SYT3: variants seen among roughly 807,000 people sequenced by gnomAD.
The protein encoded by SYT3 is synaptotagmin 3.
Under a neutral mutation model 50.6 loss-of-function variants are expected in SYT3, and 25 were observed. That is an observed-to-expected ratio of 0.49 (90% confidence interval 0.36 to 0.69). The LOEUF is 0.69. Ranked by LOEUF, SYT3 falls within the 30% of genes least tolerant of loss-of-function variation. SYT3 has a pLI of 0.00. For missense variants in SYT3, 589 were observed against 793.6 expected (o/e 0.74, Z 3.10); for synonymous variants, 323 against 353.9 (o/e 0.91, Z 0.98).
intron 6 of SYT3, 144 bp from the exon 7 acceptor site, chr19:50,626,161 G>A (rs1405535734): frequency 7.5e-7 from 1 of 1,327,150 alleles, no homozygotes; most frequent in Non-Finnish European, 1.0e-6. Context: ...TGACTCTTGG[G>A]ACAAGGCCCA....
At chr19:50,642,935 T>C (rs1468715698), upstream of SYT3, among the ~76,000 whole-genome samples, 1 of 152,236 alleles carries the variant, frequency 6.6e-6, no homozygotes, top group Non-Finnish European at 1.5e-5. Flanking sequence ...GGCTAGTGTT[T>C]AGTGTTGTCA....
chr19:50,633,568 G>A (rs1488312315), intron 3 of SYT3, among the ~76,000 whole-genome samples: 1 of 152,154 alleles, frequency 6.6e-6, no homozygotes, highest in Non-Finnish European at 1.5e-5. Flanking sequence ...CTTGCTGTGT[G>A]GCCTTGGGAA....
chr19:50,643,199 C>T (rs546528842), upstream of SYT3, among the ~76,000 whole-genome samples: 3 of 152,046 alleles, frequency 2.0e-5, no homozygotes, highest in Admixed American at 2.0e-4. Flanking sequence ...AGTGAGACCT[C>T]ATTTCTACAA....
In SYT3 at chr19:50,629,286, C is replaced by T. The variant is rs375531043; in HGVS notation, c.1281+8G>A. 9.9e-5 allele frequency: 157 copies of T among 1,586,842 alleles called. No individual in the cohort carries two copies. Among genetic ancestry groups the T allele is most frequent in the Non-Finnish European group, 1.2e-4 (139 of 1,163,344 alleles). On this transcript the variant is annotated splice_region_variant and intron_variant, in intron 6 of 10. Coordinates refer to ENST00000600079, the MANE Select transcript of SYT3 (RefSeq NM_001160329.2). ...GGAAGGGGAAGGTCAGGGGAGAGGG[C>T]CACTGACCGAGCCGCCCTCCACGAT...
chr19:50,638,685 T>C (rs1984572637), intron 2 of SYT3, among the ~76,000 whole-genome samples: 1 of 151,794 alleles, frequency 6.6e-6, no homozygotes, highest in African/African-American at 2.4e-5. Flanking sequence ...GAAATATCTT[T>C]GAAAGAGAAA....
chr19:50,649,953 G>A, the SYT3 span, among the ~76,000 whole-genome samples: 5 of 151,840 alleles, frequency 3.3e-5, no homozygotes, highest in Admixed American at 3.3e-4. Flanking sequence ...AGCCCATCAG[G>A]CCCTATCTTC....
chr19:50,643,183 C>A (rs1568419126), upstream of SYT3, among the ~76,000 whole-genome samples: 1 of 151,880 alleles, frequency 6.6e-6, no homozygotes, highest in Non-Finnish European at 1.5e-5. Context: ...CTTGCCTGGA[C>A]AACATAGTGA....
rs1487471919 is a variant in SYT3, at chr19:50,622,494, G to A, written c.*4-13C>T. ...GCCTAGGCCAGACCTGCACGATGGA[G>A]CAGGAAAGGAGGGGTCAGCAATGGC... is the stretch of plus-strand genomic sequence containing the variant. On this transcript the variant is annotated splice_polypyrimidine_tract_variant and intron_variant, in intron 10 of 10. Transcript: ENST00000600079. 1.1e-4 allele frequency: 64 copies of A among 558,066 alleles called. No individual in the cohort carries two copies. Among genetic ancestry groups the A allele is most frequent in the Middle Eastern group, 5.2e-4 (1 of 1,924 alleles). 34.6% of individuals were successfully genotyped at this position (558,066 alleles called of 1,614,324 possible). A position where few individuals can be genotyped will look rare whatever the true frequency, so the allele number is the denominator to read the frequency against.
chr19:50,656,239 C>T, the SYT3 span: 22 of 1,535,934 alleles, frequency 1.4e-5, no homozygotes, highest in African/African-American at 5.5e-5. Context: ...GCAGTACCTG[C>T]GGCAGGTCAT....
intron 4 of SYT3, among the ~76,000 whole-genome samples, chr19:50,631,329 T>C (rs1165900001): frequency 4.6e-5 from 7 of 151,840 alleles, no homozygotes; most frequent in Non-Finnish European, 1.0e-4. Context: ...TTTGTTTGTT[T>C]GTTTTTGTAT....
chr19:50,656,580 G>C, the SYT3 span, among the ~76,000 whole-genome samples: 1 of 152,180 alleles, frequency 6.6e-6, no homozygotes. Flanking sequence ...GGAGGCTGAG[G>C]GGGGCAGGGA....
At chr19:50,629,012 T>TG (rs1406381537) in intron 6 of SYT3, among the ~76,000 whole-genome samples, 2 of 151,870 alleles carry the variant, frequency 1.3e-5, no homozygotes, top group African/African-American at 4.8e-5. Context: ...TTAGTAGAGA[T>TG]GGGGTTTCTC....
upstream of SYT3, among the ~76,000 whole-genome samples, chr19:50,640,762 G>A (rs1162153628): frequency 6.6e-6 from 1 of 152,210 alleles, no homozygotes; most frequent in Non-Finnish European, 1.5e-5. Flanking sequence ...AATGTTTTAA[G>A]AAAGTTTACA....
Position 50,632,260 on chromosome 19 carries a change from AC to A in SYT3, c.674+25del. 6.6e-7 allele frequency: 1 copy of A among 1,525,044 alleles called. No homozygotes were observed. The highest frequency in any genetic ancestry group is 8.8e-7 in the Non-Finnish European group (1 of 1,133,148). 94.5% of individuals were successfully genotyped at this position (1,525,044 alleles called of 1,614,324 possible). ...GAGGAGGAGCAGAAGTTCAGAGTGG[AC>A]CCCCAACCCAGTATCCTCTCTCACC... is the stretch of plus-strand genomic sequence containing the variant. On this transcript the variant is annotated intron_variant, in intron 4 of 10. Transcript: ENST00000600079. This position sits in a 1 kb window ranked among gnomAD's most constrained non-coding sequence, Gnocchi z 4.7.
the SYT3 span, among the ~76,000 whole-genome samples, chr19:50,650,245 GACA>G: frequency 6.6e-6 from 1 of 152,172 alleles, no homozygotes; most frequent in Non-Finnish European, 1.5e-5. Context: ...GACCCCTGCT[GACA>G]ACTTCAGGCT....
intron 6 of SYT3, among the ~76,000 whole-genome samples, chr19:50,628,619 C>T (rs1388051749): frequency 2.6e-5 from 4 of 151,852 alleles, no homozygotes; most frequent in Admixed American, 6.6e-5. Context: ...TAGAGAGGGA[C>T]TGGGGCTTCC....
chr19:50,645,123 G>A, the SYT3 span, among the ~76,000 whole-genome samples: 2 of 152,324 alleles, frequency 1.3e-5, no homozygotes, highest in Non-Finnish European at 2.9e-5. Context: ...ATGGGGAGGT[G>A]GGGAGACACA....
Position 50,637,282 on chromosome 19 carries a change from G to A in SYT3, c.130C>T (p.Pro44Ser). ...QEFNDRIRGYPRGPDADISVS... is the reference protein window; with the variant it reads ...QEFNDRIRGYSRGPDADISVS... Reference sequence around the variant, plus strand: ...TGCTGACCTGCATCTGGACCCCGGGGATAGCCTCGGATTCGGTCATTGAAC... The same window carrying A: ...TGCTGACCTGCATCTGGACCCCGGGAATAGCCTCGGATTCGGTCATTGAAC... Residue 44 changes from proline (P) to serine (S), a missense_variant, in exon 3 of 11, where the codon CCC (proline) becomes TCC (serine). Pro to Ser is a moderately conservative substitution (Grantham distance 74, BLOSUM62 -1). This residue lies in a region of SYT3 where 316 missense variants were observed against 354.3 expected (regional missense o/e 0.89). Transcript: ENST00000600079. The surrounding 1 kb of genome is among the most constrained non-coding windows in gnomAD (Gnocchi z 4.9). The A allele has an allele frequency of 6.2e-7, 1 of 1,613,406 alleles. No individual in the cohort carries two copies. Among genetic ancestry groups the A allele is most frequent in the Non-Finnish European group, 8.5e-7 (1 of 1,179,854 alleles).
intron 6 of SYT3, 44 bp from the exon 7 acceptor site, chr19:50,626,061 C>T: frequency 2.5e-6 from 4 of 1,598,654 alleles, no homozygotes; most frequent in Non-Finnish European, 3.4e-6. Flanking sequence ...CTCAGCCCCT[C>T]TTCAACTCTC....
Sources: allele counts gnomAD v4.1 joint callset (sites outside exome capture counted in the v4.1 genomes callset), GRCh38; gene constraint gnomAD v4.1.1; regional missense constraint gnomAD v4.1.1; non-coding constraint Gnocchi (gnomAD v3.1); transcripts MANE v1.5; gene names NCBI Gene and HGNC (gene_info 2026-07-23, HGNC 2026-07-21).